The following PDE4D variants were observed in gnomAD, a reference collection of about 807,000 sequenced individuals.
PDE4D encodes the protein 3',5'-cyclic-AMP phosphodiesterase 4D.
PDE4D carries 24 observed loss-of-function variants against 87.4 expected under a neutral mutation model. The ratio of observed to expected loss-of-function variants is 0.27; its 90% CI spans 0.20 to 0.39. The LOEUF (loss-of-function observed/expected upper bound fraction) is 0.39, where lower values mean the gene tolerates loss of function less well. Ranked by LOEUF, PDE4D falls within the 10% of genes least tolerant of loss-of-function variation. The pLI is 1.00. For missense variants in PDE4D, 714 were observed against 1,041.0 expected, an observed-to-expected ratio of 0.69 and a Z score of 4.32; for synonymous variants, 384 against 383.2, an observed-to-expected ratio of 1.00 and a Z score of -0.02.
intron 5 of PDE4D, among the ~76,000 whole-genome samples, chr5:59,123,200 G>C (rs1476986910): frequency 6.6e-6 from 1 of 152,054 alleles, no homozygotes; most frequent in Admixed American, 6.5e-5. Context: ...GGGTCTATGT[G>C]CTTGTTTATT....
chr5:60,324,377 T>G (rs1756586412), intron 1 of PDE4D, among the ~76,000 whole-genome samples: 1 of 152,196 alleles, frequency 6.6e-6, no homozygotes, highest in South Asian at 2.1e-4. Context: ...TAGTTTTTTA[T>G]CCATAGGACC....
chr5:59,768,053 A>G (rs1237523905), intron 1 of PDE4D, among the ~76,000 whole-genome samples: 8 of 152,128 alleles, frequency 5.3e-5, no homozygotes, highest in African/African-American at 1.9e-4. Flanking sequence ...AACCACTCCT[A>G]GTACCAGTCT....
chr5:59,191,304 C>T (rs1172051834), intron 3 of PDE4D, among the ~76,000 whole-genome samples: 1 of 151,956 alleles, frequency 6.6e-6, no homozygotes, highest in East Asian at 1.9e-4. Context: ...ATTTACTAAT[C>T]TATTTGTTGC....
chr5:59,124,886 C>G (rs1179489921), intron 5 of PDE4D, among the ~76,000 whole-genome samples: 1 of 152,114 alleles, frequency 6.6e-6, no homozygotes, highest in Admixed American at 6.6e-5. Context: ...ATTAAAAACA[C>G]CCACAGTAAT....
intron 2 of PDE4D, among the ~76,000 whole-genome samples, chr5:60,157,626 C>T (rs1348836933): frequency 6.6e-6 from 1 of 152,110 alleles, no homozygotes; most frequent in African/African-American, 2.4e-5. Flanking sequence ...AATCTGTTCT[C>T]TTAAATTGTG....
rs750105496 is a variant in PDE4D at position 59,916,954 on chromosome 5, A to ATTTT, written c.272+71530_272+71533dup. ...AGGGGTGCACCACCATGCCCGGCTAATTTTTTTTTTTTTTTTTTTTTTTTT... is the reference window on the plus strand; with the variant it reads ...AGGGGTGCACCACCATGCCCGGCTAATTTTTTTTTTTTTTTTTTTTTTTTTTTTT... On this transcript the variant is annotated intron_variant, in intron 3 of 16. Transcript: ENST00000502484. Among the ~76,000 whole-genome samples the ATTTT allele has an allele frequency of 8.3e-3, 613 of 73,648 alleles. 33 individuals are homozygous for ATTTT. The highest frequency in any genetic ancestry group is 0.051 in the African/African-American group (594 of 11,660). 48.3% of individuals were successfully genotyped at this position (73,648 alleles called of 152,430 possible). A position where few individuals can be genotyped will look rare whatever the true frequency, so the allele number is the denominator to read the frequency against.
intron 1 of PDE4D, among the ~76,000 whole-genome samples, chr5:59,863,378 C>A (rs993664648): frequency 2.6e-5 from 4 of 151,938 alleles, no homozygotes; most frequent in African/African-American, 7.3e-5. Flanking sequence ...TAATTTCTTA[C>A]TATTTTTTTT....
chr5:59,401,443 ACTATCTATCTAT>A (rs10705466), intron 1 of PDE4D, among the ~76,000 whole-genome samples: 74 of 127,560 alleles, frequency 5.8e-4, no homozygotes, highest in African/African-American at 1.4e-3. Context: ...TATATTAGAG[ACTATCTATCTAT>A]CTATCTATCT....
In PDE4D at chr5:60,164,484, GA is replaced by G. The variant is rs564625739; in HGVS notation, c.42+21072del. Among the ~76,000 whole-genome samples the G allele has an allele frequency of 7.2e-4, 110 of 152,088 alleles. 1 individual carries two copies. The highest frequency in any genetic ancestry group is 1.4e-3 in the Non-Finnish European group (94 of 67,956). ...AAGCAATCAAAAACTCATACTTCTA[GA>G]AAAAAAGATGGATTTTTTCAATAAA... is the stretch of plus-strand genomic sequence containing the variant. On this transcript the variant is annotated intron_variant, in intron 2 of 16. Coordinates refer to the PDE4D transcript ENST00000502484.
At chr5:59,744,815 T>C (rs1361575520) in intron 1 of PDE4D, among the ~76,000 whole-genome samples, 1 of 152,204 alleles carries the variant, frequency 6.6e-6, no homozygotes, top group African/African-American at 2.4e-5. Flanking sequence ...TAGTATTGAA[T>C]TTTTCTTTTG....
At chr5:59,383,658 A>T (rs165940) in intron 1 of PDE4D, among the ~76,000 whole-genome samples, 57,385 of 151,942 alleles carry the variant, frequency 0.38, 12,228 homozygotes, top group African/African-American at 0.58. Context: ...ATGCCTGGTA[A>T]ATAGAAGCTA....
rs1349826450 is a variant in PDE4D, at chr5:58,969,899, T to C, written c.*4765A>G. On this transcript the variant is annotated 3_prime_UTR_variant, in exon 15 of 15. Coordinates refer to ENST00000340635, the MANE Select transcript of PDE4D (RefSeq NM_001104631.2). The stretch of plus-strand genomic sequence containing the variant: ...AGGCCATCTAAGTAATTTTGGTAAT[T>C]TTTAATGTAGCAAAATTACTCAAGT... 6.6e-6 allele frequency: 1 copy of C among 152,192 alleles called. No individual in the cohort carries two copies. The highest frequency in any genetic ancestry group is 1.5e-5 in the Non-Finnish European group (1 of 68,038). 9.4% of individuals were successfully genotyped at this position (152,192 alleles called of 1,614,324 possible).
At chr5:60,130,377 C>T (rs1210522669) in intron 2 of PDE4D, among the ~76,000 whole-genome samples, 1 of 152,126 alleles carries the variant, frequency 6.6e-6, no homozygotes, top group Non-Finnish European at 1.5e-5. Flanking sequence ...ATTTCTCAGG[C>T]AAGTTCAAAG....
chr5:60,033,183 G>T (rs1767430108), intron 2 of PDE4D, among the ~76,000 whole-genome samples: 2 of 151,946 alleles, frequency 1.3e-5, no homozygotes, highest in South Asian at 4.2e-4. Flanking sequence ...CTGTTGTTCG[G>T]TAAACTACAA....
Position 58,975,595 on chromosome 5 carries a change from A to G in PDE4D, c.2013+62T>C. ...TAAAATACTATCATATGTAATACAA[A>G]GTAACCAAATGCTAAAGCGGTAGCT... is the stretch of plus-strand genomic sequence containing the variant. On this transcript the variant is annotated intron_variant, in intron 14 of 14. Coordinates refer to ENST00000340635, the MANE Select transcript of PDE4D (RefSeq NM_001104631.2). This position sits in a 1 kb window ranked among gnomAD's most constrained non-coding sequence, Gnocchi z 4.2. 7.5e-7 allele frequency: 1 copy of G among 1,324,952 alleles called. No homozygotes were observed. Among genetic ancestry groups the G allele is most frequent in the East Asian group, 2.5e-5 (1 of 39,494 alleles). The allele number at this position is 1,324,952 out of a possible 1,614,324, so 82.1% of individuals were successfully genotyped here. A position where few individuals can be genotyped will look rare whatever the true frequency, so the allele number is the denominator to read the frequency against.
intron 2 of PDE4D, among the ~76,000 whole-genome samples, chr5:59,200,762 A>G (rs541396196): frequency 6.6e-6 from 1 of 151,634 alleles, no homozygotes; most frequent in East Asian, 1.9e-4. Flanking sequence ...TATGAAGTAC[A>G]TGCATACATA....
At chr5:59,103,353 G>C (rs532532607) in intron 5 of PDE4D, among the ~76,000 whole-genome samples, 30 of 152,100 alleles carry the variant, frequency 2.0e-4, no homozygotes, top group Non-Finnish European at 3.8e-4. Context: ...AGAATTAAGG[G>C]CAATTAGGTC....
At chr5:59,693,260 T>C (rs1379194232) in intron 1 of PDE4D, among the ~76,000 whole-genome samples, 1 of 151,800 alleles carries the variant, frequency 6.6e-6, no homozygotes, top group Admixed American at 6.6e-5. Flanking sequence ...TCATAAGCGG[T>C]GCCAGAGTAA....
chr5:59,932,756 T>C (rs982344829), intron 3 of PDE4D, among the ~76,000 whole-genome samples: 2 of 152,306 alleles, frequency 1.3e-5, no homozygotes, highest in Admixed American at 6.5e-5. Flanking sequence ...GATTCTACAC[T>C]GGACTTAGAA....
Sources: gnomAD v4.1 joint callset for allele counts (sites outside exome capture counted in the v4.1 genomes callset) on GRCh38, gnomAD v4.1.1 for gene constraint, Gnocchi (gnomAD v3.1) non-coding constraint, MANE v1.5 for transcripts, NCBI Gene and HGNC (gene_info 2026-07-23, HGNC 2026-07-21) for gene names.